PPP6R3: variants seen among roughly 807,000 people sequenced by gnomAD.
PPP6R3 encodes protein phosphatase 6 regulatory subunit 3, also known as serine/threonine-protein phosphatase 6 regulatory subunit 3.
In PPP6R3, 38 loss-of-function variants were observed where a neutral mutation model predicts 110.7. That is an observed-to-expected ratio of 0.34 (90% confidence interval 0.26 to 0.45). The LOEUF (loss-of-function observed/expected upper bound fraction) is 0.45, where lower values mean the gene tolerates loss of function less well. Ranked by LOEUF, PPP6R3 falls within the 20% of genes least tolerant of loss-of-function variation. The pLI is 1.00. For missense variants in PPP6R3, 870 were observed against 1,062.4 expected (o/e 0.82, Z 2.52); for synonymous variants, 369 against 373.5 (o/e 0.99, Z 0.14).
chr11:68,581,023 G>T (rs965331283), intron 14 of PPP6R3, among the ~76,000 whole-genome samples: 1 of 151,934 alleles, frequency 6.6e-6, no homozygotes, highest in South Asian at 2.1e-4. Flanking sequence ...CGCCCGCCTC[G>T]GCCTCCCAAA....
At position 68,497,646 on chromosome 11, in the gene PPP6R3, C is replaced by T. The variant is rs150571418; in HGVS notation, c.-157-21855C>T. On this transcript the variant is annotated intron_variant, in intron 1 of 23. Coordinates refer to ENST00000393800, the MANE Select transcript of PPP6R3 (RefSeq NM_001164161.2). ...CTGGGACTACAGGCATGAGCCACTG[C>T]GCCCAACCTTGTACATAAATCTTTT... is the stretch of plus-strand genomic sequence containing the variant. 4.8e-3 allele frequency among the ~76,000 whole-genome samples: 733 copies of T among 152,348 alleles called. 2 individuals are homozygous for T. Among genetic ancestry groups the T allele is most frequent in the Non-Finnish European group, 8.1e-3 (552 of 68,036 alleles).
chr11:68,535,684 C>T (rs1338908190), intron 2 of PPP6R3, among the ~76,000 whole-genome samples: 5 of 151,460 alleles, frequency 3.3e-5, no homozygotes, highest in East Asian at 1.9e-4. Context: ...TCTGCTTGGC[C>T]GGGCACGGTA....
Position 68,614,634 on chromosome 11 carries a change from G to A in PPP6R3, c.*1517G>A, listed in dbSNP as rs1944865260. 6.6e-7 allele frequency: 1 copy of A among 1,517,300 alleles called. No homozygotes were observed. The highest frequency in any genetic ancestry group is 8.8e-7 in the Non-Finnish European group (1 of 1,139,020). The allele number at this position is 1,517,300 out of a possible 1,614,324, so 94.0% of individuals were successfully genotyped here. A position where few individuals can be genotyped will look rare whatever the true frequency, so the allele number is the denominator to read the frequency against. ...CTGATTTCCTTTTTCATTTTAAGTG[G>A]TGTGGAGATTCCAGCACTCCCAGGA... On this transcript the variant is annotated 3_prime_UTR_variant, in exon 24 of 24. Transcript: ENST00000393800.
At chr11:68,609,635 A>G (rs1942298828) in intron 22 of PPP6R3, 2 of 1,552,868 alleles carry the variant, frequency 1.3e-6, no homozygotes, top group African/African-American at 2.7e-5. Flanking sequence ...ATCGGTATGT[A>G]CAGTGTTATG....
intron 1 of PPP6R3, among the ~76,000 whole-genome samples, chr11:68,519,060 C>T (rs552366485): frequency 2.1e-4 from 32 of 152,342 alleles, no homozygotes; most frequent in African/African-American, 7.7e-4. Context: ...TAATGTTCTA[C>T]TCACGCTTCC....
intron 14 of PPP6R3, among the ~76,000 whole-genome samples, chr11:68,580,332 T>C (rs1290861542): frequency 2.0e-5 from 3 of 152,214 alleles, no homozygotes; most frequent in Non-Finnish European, 4.4e-5. Flanking sequence ...AAAAGTGCCA[T>C]ACCTTGATGT....
intron 1 of PPP6R3, among the ~76,000 whole-genome samples, chr11:68,514,671 G>A (rs551325990): frequency 6.6e-6 from 1 of 150,620 alleles, no homozygotes; most frequent in African/African-American, 2.4e-5. Context: ...TGCAACTTCT[G>A]TCTCCCAGGT....
At chr11:68,496,997 G>T (rs138911993) in intron 1 of PPP6R3, among the ~76,000 whole-genome samples, 7,956 of 151,086 alleles carry the variant, frequency 0.053, 223 homozygotes, top group Middle Eastern at 0.12. Context: ...GAGTAGCTGG[G>T]ACTACAGGTG....
intron 18 of PPP6R3, among the ~76,000 whole-genome samples, chr11:68,593,808 C>T (rs2099602956): frequency 6.6e-6 from 1 of 152,154 alleles, no homozygotes; most frequent in Admixed American, 6.5e-5. Context: ...TGCTTGAGCC[C>T]AGGAGTTTGA....
intron 2 of PPP6R3, among the ~76,000 whole-genome samples, chr11:68,531,379 T>A (rs190727446): frequency 2.6e-4 from 40 of 151,962 alleles, no homozygotes; most frequent in Admixed American, 2.4e-3. Flanking sequence ...TCACTCTTGT[T>A]CAGGCCGGTT....
At chr11:68,589,060 A>G (rs1289860034) in intron 16 of PPP6R3, among the ~76,000 whole-genome samples, 1 of 151,846 alleles carries the variant, frequency 6.6e-6, no homozygotes, top group Admixed American at 6.6e-5. Flanking sequence ...TACAAAAACA[A>G]TAGCCAGGCT....
At chr11:68,594,274 GAGA>G (rs1286068713) in intron 18 of PPP6R3, among the ~76,000 whole-genome samples, 1 of 145,670 alleles carries the variant, frequency 6.9e-6, no homozygotes, top group Non-Finnish European at 1.6e-5. Flanking sequence ...GGGAGAGAGA[GAGA>G]GAGAGAGAGA....
At chr11:68,491,403 G>T (rs1011156202) in intron 1 of PPP6R3, among the ~76,000 whole-genome samples, 5 of 149,142 alleles carry the variant, frequency 3.4e-5, no homozygotes, top group Admixed American at 1.4e-4. Flanking sequence ...TTGCTCTGTT[G>T]CCCAGGCTGG....
At chr11:68,600,524 T>C in intron 20 of PPP6R3, 30 bp downstream of exon 20, 1 of 1,584,118 alleles carries the variant, frequency 6.3e-7, no homozygotes, top group Non-Finnish European at 8.6e-7. Flanking sequence ...CTCTACACCC[T>C]TCCACGGGGG....
In PPP6R3 at chr11:68,569,646, C is replaced by G. The variant is rs2099494755; in HGVS notation, c.1129-102C>G. ...TTAATTGGTCCTTTTGGACTGAGAG[C>G]ACATCATTTTTACTTTATTAAATCA... On this transcript the variant is annotated intron_variant, in intron 10 of 23. Coordinates refer to ENST00000393800, the MANE Select transcript of PPP6R3 (RefSeq NM_001164161.2). 26 of 1,051,226 alleles carry G rather than the reference C, an allele frequency of 2.5e-5. No individual in the cohort carries two copies. The South Asian group carries it at 4.6e-4, about 18-fold the overall frequency. 65.1% of individuals were successfully genotyped at this position (1,051,226 alleles called of 1,614,324 possible). A position where few individuals can be genotyped will look rare whatever the true frequency, so the allele number is the denominator to read the frequency against.
chr11:68,565,745 A>C (rs1384071295), intron 9 of PPP6R3, among the ~76,000 whole-genome samples: 1 of 151,780 alleles, frequency 6.6e-6, no homozygotes, highest in African/African-American at 2.4e-5. Context: ...GAACTGAGTG[A>C]GTTCCGTTTG....
intron 1 of PPP6R3, among the ~76,000 whole-genome samples, chr11:68,499,238 T>A (rs1419886384): frequency 6.6e-6 from 1 of 152,126 alleles, no homozygotes; most frequent in South Asian, 2.1e-4. Flanking sequence ...AACTTGGGAG[T>A]GGCATGGTTG....
intron 9 of PPP6R3, 144 bp from the exon 10 acceptor site, chr11:68,566,870 T>C (rs909352999): frequency 3.2e-5 from 19 of 587,376 alleles, no homozygotes; most frequent in Non-Finnish European, 4.4e-5. Context: ...CTTAAAGATA[T>C]CAAGAGCAGC....
intron 1 of PPP6R3, among the ~76,000 whole-genome samples, chr11:68,472,392 GC>G (rs771667849): frequency 2.6e-5 from 4 of 152,158 alleles, no homozygotes; most frequent in African/African-American, 4.8e-5. Flanking sequence ...AAGGAACGCT[GC>G]CTTAAACAAG....
Sources: allele counts gnomAD v4.1 joint callset (sites outside exome capture counted in the v4.1 genomes callset), GRCh38; gene constraint gnomAD v4.1.1; transcripts MANE v1.5; gene names NCBI Gene and HGNC (gene_info 2026-07-23, HGNC 2026-07-21).